The following SLC25A23 variants were observed in gnomAD, a reference collection of about 807,000 sequenced individuals.
SLC25A23 encodes mitochondrial adenyl nucleotide antiporter SLC25A23.
In SLC25A23, 32 loss-of-function variants were observed where a neutral mutation model predicts 53.9. The observed-to-expected ratio is 0.59, with a 90% confidence interval of 0.45 to 0.80. The LOEUF (loss-of-function observed/expected upper bound fraction) is 0.80. Among genes scored for constraint, SLC25A23 ranks in the 30% least tolerant of loss-of-function variants. The pLI is 0.00. For synonymous variants in SLC25A23, 275 were observed against 264.5 expected (o/e 1.04, Z -0.38); for missense variants, 575 against 651.4 (o/e 0.88, Z 1.28).
intron 9 of SLC25A23, among the ~76,000 whole-genome samples, chr19:6,442,909 C>T (rs2092443620): frequency 6.7e-6 from 1 of 149,642 alleles, no homozygotes; most frequent in African/African-American, 2.5e-5. Context: ...GCTGGGATTA[C>T]AGGCGTGTGC....
rs948751439 is a variant in SLC25A23, at chr19:6,458,121, G to T, written c.283+77C>A. 1.0e-5 allele frequency: 16 copies of T among 1,556,492 alleles called. No homozygotes were observed. The African/African-American group carries it at 1.8e-4, about 17-fold the overall frequency. ...TCCCCCTCTCCTCCTAGCGCTGCCA[G>T]TTCTAACCCCACTGATGTCTCTAGG... is the stretch of plus-strand genomic sequence containing the variant. On this transcript the variant is annotated intron_variant, in intron 2 of 9. Transcript: ENST00000301454.
At chr19:6,456,236 A>C (rs1208572988) in intron 4 of SLC25A23, 184 bp downstream of exon 4, 1 of 985,122 alleles carries the variant, frequency 1.0e-6, no homozygotes, top group East Asian at 2.6e-5. Flanking sequence ...AGATGTCCCA[A>C]ATGGGACCCT....
At chr19:6,457,008 G>A (rs968155600) in intron 3 of SLC25A23, among the ~76,000 whole-genome samples, 9 of 151,946 alleles carry the variant, frequency 5.9e-5, no homozygotes, top group African/African-American at 1.7e-4. Context: ...AGGGGGAAAC[G>A]GGCTAAGAGA....
chr19:6,458,380 G>A, intron 1 of SLC25A23, 56 bp from the exon 2 acceptor site: 8 of 1,580,188 alleles, frequency 5.1e-6, no homozygotes, highest in Non-Finnish European at 6.0e-6. Context: ...TGATCTGGAG[G>A]GGACGCATGT....
chr19:6,459,383 C>T lies in SLC25A23; in HGVS notation c.156+90G>A, dbSNP rs1437724903. Reference sequence around the variant, plus strand: ...TTCTGGAGTCCAGCCACAGGTAGTCCCTGGTGGCTCCGGCCGCCCAGTTCA... The same window carrying T: ...TTCTGGAGTCCAGCCACAGGTAGTCTCTGGTGGCTCCGGCCGCCCAGTTCA... On this transcript the variant is annotated intron_variant, in intron 1 of 9. Transcript: ENST00000301454. The surrounding 1 kb of genome is among the most constrained non-coding windows in gnomAD (Gnocchi z 4.6). 3.5e-6 allele frequency: 4 copies of T among 1,138,436 alleles called. No individual in the cohort carries two copies. The highest frequency in any genetic ancestry group is 4.8e-6 in the Non-Finnish European group (4 of 837,190). 70.5% of individuals were successfully genotyped at this position (1,138,436 alleles called of 1,614,324 possible).
At chr19:6,448,544 C>A in intron 8 of SLC25A23, among the ~76,000 whole-genome samples, 1 of 151,454 alleles carries the variant, frequency 6.6e-6, no homozygotes, top group East Asian at 2.0e-4. Context: ...GATCTTGGCT[C>A]ACAGCAAACT....
Position 6,442,265 on chromosome 19 carries a change from G to A in SLC25A23, c.1223-106C>T, listed in dbSNP as rs1315312117. The stretch of plus-strand genomic sequence containing the variant: ...GTGGTGTCATTGCAGCAGGAGGGAA[G>A]GAGGTTAGACTAACAGTGGGACCTA... On this transcript the variant is annotated intron_variant, in intron 9 of 9. Coordinates refer to ENST00000301454, the MANE Select transcript of SLC25A23 (RefSeq NM_024103.3). 7 of 752,904 alleles carry A rather than the reference G, an allele frequency of 9.3e-6. No individual in the cohort carries two copies. In the African/African-American group the frequency reaches 1.2e-4, roughly 13 times the overall value. 46.6% of individuals were successfully genotyped at this position (752,904 alleles called of 1,614,324 possible). A position where few individuals can be genotyped will look rare whatever the true frequency, so the allele number is the denominator to read the frequency against.
rs116412819 is a variant in SLC25A23 at position 6,458,289 on chromosome 19, G to A, written c.192C>T (p.Gly64=). 1,891 of 1,613,096 alleles carry A rather than the reference G, an allele frequency of 1.2e-3. 24 individuals are homozygous for A. In the African/African-American group the frequency reaches 0.021, roughly 18 times the overall value. Residue 64 remains glycine, a synonymous_variant, in exon 2 of 10, where the codon GGC becomes GGT. Transcript: ENST00000301454. The part of the protein sequence containing the change: ...ISSEGDADPD[G]GLDLEEFSRY... ...GGGAAAATTCCTCCAGGTCGAGCCC[G>A]CCATCTGGGTCAGCATCACCCTCAG...
rs1341189994 is a variant in SLC25A23, at chr19:6,441,133, G to A, written c.*842C>T. ...ATCTGGGATCCAGTGCCTGGGGGTGGAAGGCGTAGTGCTTGAAATGCAGGG... is the reference window on the plus strand; with the variant it reads ...ATCTGGGATCCAGTGCCTGGGGGTGAAAGGCGTAGTGCTTGAAATGCAGGG... On this transcript the variant is annotated 3_prime_UTR_variant, in exon 10 of 10. Coordinates refer to ENST00000301454, the MANE Select transcript of SLC25A23 (RefSeq NM_024103.3). The A allele has an allele frequency of 6.6e-6, 1 of 152,112 alleles. No homozygotes were observed. The highest frequency in any genetic ancestry group is 6.6e-5 in the Admixed American group (1 of 15,234). The allele number at this position is 152,112 out of a possible 1,614,324, so 9.4% of individuals were successfully genotyped here.
At chr19:6,450,206 A>G (rs2144926039) in intron 8 of SLC25A23, among the ~76,000 whole-genome samples, 1 of 151,338 alleles carries the variant, frequency 6.6e-6, no homozygotes. Flanking sequence ...AAGACCCTGT[A>G]CCCTGCCCTG....
chr19:6,459,786 T>C lies in SLC25A23; in HGVS notation c.-158A>G, dbSNP rs1011068336. On this transcript the variant is annotated 5_prime_UTR_variant, in exon 1 of 10. Transcript: ENST00000301454. This position sits in a 1 kb window ranked among gnomAD's most constrained non-coding sequence, Gnocchi z 4.6. ...GCTCGGCTCTGGCACTTGCGGGAGG[T>C]GGTGACGGCTAGCCGTCGCCGCCCG... The C allele has an allele frequency of 3.7e-6, 2 of 536,474 alleles. No homozygotes were observed. Among genetic ancestry groups the C allele is most frequent in the Non-Finnish European group, 5.4e-6 (2 of 370,058 alleles). The allele number at this position is 536,474 out of a possible 1,614,324, so 33.2% of individuals were successfully genotyped here. A position where few individuals can be genotyped will look rare whatever the true frequency, so the allele number is the denominator to read the frequency against.
downstream of SLC25A23, among the ~76,000 whole-genome samples, chr19:6,439,567 G>A (rs546622788): frequency 2.0e-5 from 3 of 152,042 alleles, no homozygotes; most frequent in Non-Finnish European, 2.9e-5. Context: ...GGTGGCTCAC[G>A]CCTGTAATCC....
intron 8 of SLC25A23, among the ~76,000 whole-genome samples, chr19:6,449,245 T>G (rs943606251): frequency 6.7e-6 from 1 of 148,580 alleles, no homozygotes. Flanking sequence ...CTTTCTGTCT[T>G]TCTTTCTTTC....
At chr19:6,458,792 C>T (rs348371) in intron 1 of SLC25A23, among the ~76,000 whole-genome samples, 100 of 152,268 alleles carry the variant, frequency 6.6e-4, no homozygotes, top group African/African-American at 2.4e-3. Flanking sequence ...GAGAACCAAG[C>T]GGAGTGGCTG....
At chr19:6,442,196 C>T (rs752043514) in intron 9 of SLC25A23, 37 bp from the exon 10 acceptor site, 11 of 1,413,968 alleles carry the variant, frequency 7.8e-6, no homozygotes, top group Middle Eastern at 2.2e-4. Context: ...GTAAGGCCAA[C>T]GTTCCCCTTT....
At chr19:6,456,579 G>T in intron 3 of SLC25A23, 48 bp from the exon 4 acceptor site, 1 of 1,492,542 alleles carries the variant, frequency 6.7e-7, no homozygotes, top group East Asian at 2.3e-5. Context: ...GTGCCTGGGG[G>T]TGGGCTAGGC....
chr19:6,459,604 C>T lies in SLC25A23; in HGVS notation c.25G>A (p.Glu9Lys). 5 of 1,528,768 alleles carry T rather than the reference C, an allele frequency of 3.3e-6. No individual in the cohort carries two copies. Among genetic ancestry groups the T allele is most frequent in the Non-Finnish European group, 4.4e-6 (5 of 1,144,342 alleles). The allele number at this position is 1,528,768 out of a possible 1,614,324, so 94.7% of individuals were successfully genotyped here. ...AGGCGACCCCAGCGCTGCCGCCGCT[C>T]CGCGTCGCCCGGGCTCCCCCGCATG... MRGSPGDA[E>K]RRQRWGRLFE... The change falls in exon 1 of 10, where the codon GAG becomes AAG. Residue 9 changes from glutamate (E) to lysine (K), a missense_variant. Physicochemically the swap from Glu to Lys is moderately conservative, Grantham distance 56 (BLOSUM62 1). Transcript: ENST00000301454. The surrounding 1 kb of genome is among the most constrained non-coding windows in gnomAD (Gnocchi z 4.6).
chr19:6,457,416 G>T, intron 3 of SLC25A23, 87 bp downstream of exon 3: 3 of 1,216,834 alleles, frequency 2.5e-6, no homozygotes, highest in South Asian at 1.3e-5. Flanking sequence ...TCCTCCTTGG[G>T]ACTGGGTCTG....
chr19:6,443,672 C>T (rs2092459979), intron 9 of SLC25A23: 1 of 693,426 alleles, frequency 1.4e-6, no homozygotes, highest in Non-Finnish European at 2.6e-6. Context: ...GTGAAAATCA[C>T]AAAACACAAA....
Sources: gnomAD v4.1 joint callset for allele counts (sites outside exome capture counted in the v4.1 genomes callset) on GRCh38, gnomAD v4.1.1 for gene constraint, Gnocchi (gnomAD v3.1) non-coding constraint, MANE v1.5 for transcripts, NCBI Gene and HGNC (gene_info 2026-07-23, HGNC 2026-07-21) for gene names.